The following FER1L6 variants were observed in gnomAD, a reference collection of about 807,000 sequenced individuals.
The protein encoded by FER1L6 is fer-1 like family member 6.
A neutral mutation model predicts 219.2 loss-of-function variants in FER1L6; 177 were observed. The ratio of observed to expected loss-of-function variants is 0.81; its 90% CI spans 0.71 to 0.91. FER1L6 has a LOEUF of 0.91. FER1L6 is among the 40% of genes least tolerant of loss of function. The pLI, the probability that FER1L6 is intolerant of heterozygous loss-of-function variation, is 0.00. For missense variants in FER1L6, 2,153 were observed against 2,259.9 expected, an observed-to-expected ratio of 0.95 and a Z score of 0.96; for synonymous variants, 768 against 824.3, an observed-to-expected ratio of 0.93 and a Z score of 1.17.
intron 1 of FER1L6, among the ~76,000 whole-genome samples, chr8:123,864,544 G>A (rs1816798647): frequency 6.7e-6 from 1 of 149,404 alleles, no homozygotes; most frequent in Non-Finnish European, 1.5e-5. Flanking sequence ...CTAGATTGGG[G>A]AAGTTCTCCT....
intron 37 of FER1L6, among the ~76,000 whole-genome samples, chr8:124,098,378 G>A (rs544948786): frequency 2.6e-5 from 4 of 152,150 alleles, no homozygotes; most frequent in Admixed American, 2.6e-4. Flanking sequence ...AGTCAGGGAG[G>A]GGGATGAGGT....
Position 124,015,607 on chromosome 8 carries a change from A to ATATGTATGTATG in FER1L6, c.1923-2018_1923-2017insGTATGTATGTAT, listed in dbSNP as rs1554632086. 8.5e-4 allele frequency among the ~76,000 whole-genome samples: 75 copies of ATATGTATGTATG among 88,594 alleles called. 2 individuals are homozygous for ATATGTATGTATG. Among genetic ancestry groups the ATATGTATGTATG allele is most frequent in the African/African-American group, 2.8e-3 (66 of 23,252 alleles). The allele number at this position is 88,594 out of a possible 152,430, so 58.1% of individuals were successfully genotyped here. A position where few individuals can be genotyped will look rare whatever the true frequency, so the allele number is the denominator to read the frequency against. ...TATATATATATATATATATATATAT[A>ATATGTATGTATG]TATATATATTACTCCTGCTGTGAGC... On this transcript the variant is annotated intron_variant, in intron 15 of 40. Transcript: ENST00000522917.
chr8:124,059,458 A>G (rs982767508), intron 22 of FER1L6, among the ~76,000 whole-genome samples: 17 of 152,106 alleles, frequency 1.1e-4, no homozygotes, highest in Admixed American at 1.0e-3. Context: ...CTTTGGGGAA[A>G]CCTTCTTGAA....
intron 12 of FER1L6, among the ~76,000 whole-genome samples, chr8:123,993,457 AAAAGG>A (rs1323033710): frequency 4.0e-5 from 6 of 151,732 alleles, no homozygotes; most frequent in African/African-American, 1.5e-4. Context: ...AAAAAAAAAA[AAAAGG>A]AAGAATGTAT....
intron 19 of FER1L6, among the ~76,000 whole-genome samples, chr8:124,036,599 C>A (rs565718122): frequency 1.3e-5 from 2 of 152,084 alleles, no homozygotes; most frequent in Admixed American, 6.6e-5. Flanking sequence ...TTCCACCATA[C>A]CTTGAGAGAG....
chr8:124,097,689 G>A (rs529913014), intron 36 of FER1L6, 96 bp from the exon 37 acceptor site: 4 of 732,050 alleles, frequency 5.5e-6, no homozygotes, highest in Admixed American at 4.4e-5. Context: ...CAAACTTTAG[G>A]AAACTTATAG....
At chr8:124,029,406 T>C (rs1227215664) in intron 18 of FER1L6, among the ~76,000 whole-genome samples, 1 of 152,094 alleles carries the variant, frequency 6.6e-6, no homozygotes, top group Non-Finnish European at 1.5e-5. Flanking sequence ...ACAGTGTTCC[T>C]ATTTCTCCAT....
Position 124,061,824 on chromosome 8 carries a change from CCTT to C in FER1L6, c.3148-23_3148-21del, listed in dbSNP as rs751199700. 276 of 1,611,124 alleles carry C rather than the reference CCTT, an allele frequency of 1.7e-4. 3 individuals carry two copies. Among genetic ancestry groups the C allele is most frequent in the Non-Finnish European group, 5.8e-5 (68 of 1,179,184 alleles). On this transcript the variant is annotated intron_variant, in intron 24 of 40. Transcript: ENST00000522917. ...CTGCCCATGGAAGGGTCACCAGGCC[CCTT>C]CTTCATCTCATCCTCTCTCTGCAGG...
chr8:123,933,262 T>C (rs1813846908), intron 1 of FER1L6, among the ~76,000 whole-genome samples: 1 of 152,190 alleles, frequency 6.6e-6, no homozygotes, highest in Non-Finnish European at 1.5e-5. Context: ...ACATGTCCTG[T>C]TGCCCAGACC....
At chr8:123,877,906 G>A (rs988035315) in intron 1 of FER1L6, among the ~76,000 whole-genome samples, 1 of 151,988 alleles carries the variant, frequency 6.6e-6, no homozygotes, top group Non-Finnish European at 1.5e-5. Flanking sequence ...TACTGAAGTC[G>A]ATTTATCGTT....
chr8:123,953,346 A>T (rs1814857334), intron 1 of FER1L6, among the ~76,000 whole-genome samples: 1 of 152,180 alleles, frequency 6.6e-6, no homozygotes, highest in African/African-American at 2.4e-5. Context: ...AGCAGGCCTG[A>T]GCTGCGCCTA....
At chr8:123,871,208 T>A (rs149200672) in intron 1 of FER1L6, among the ~76,000 whole-genome samples, 1 of 152,326 alleles carries the variant, frequency 6.6e-6, no homozygotes, top group African/African-American at 2.4e-5. Context: ...GAAATATTTG[T>A]GTATGTATTC....
At position 124,094,237 on chromosome 8, in the gene FER1L6, A is replaced by G. The variant is rs376111531; in HGVS notation, c.4553-659A>G. Among the ~76,000 whole-genome samples, 45 of 152,228 alleles carry G rather than the reference A, an allele frequency of 3.0e-4. No homozygotes were observed. The South Asian group carries it at 8.9e-3, about 30-fold the overall frequency. ...GTCCTCTCACAGTATGTTAGCAAAC[A>G]GTTTTGCACCTTCAAAAATGTACCC... On this transcript the variant is annotated intron_variant, in intron 34 of 40. Transcript: ENST00000522917.
chr8:124,025,764 G>A (rs1305896393), intron 18 of FER1L6, among the ~76,000 whole-genome samples: 1 of 152,132 alleles, frequency 6.6e-6, no homozygotes, highest in Non-Finnish European at 1.5e-5. Flanking sequence ...ATTGTTTGGG[G>A]CAGTATGCTT....
chr8:124,051,535 T>TAAAC (rs1336965741), intron 22 of FER1L6, among the ~76,000 whole-genome samples: 3 of 152,212 alleles, frequency 2.0e-5, no homozygotes, highest in African/African-American at 7.2e-5. Context: ...TGGCATGGAA[T>TAAAC]AAACACTCCA....
chr8:123,991,847 G>A (rs888255760), intron 12 of FER1L6, among the ~76,000 whole-genome samples: 1 of 151,778 alleles, frequency 6.6e-6, no homozygotes, highest in African/African-American at 2.4e-5. Context: ...TTCATGTAGG[G>A]CTTTTATTAT....
intron 1 of FER1L6, among the ~76,000 whole-genome samples, chr8:123,864,735 C>T (rs1816802940): frequency 6.7e-6 from 1 of 149,676 alleles, no homozygotes; most frequent in Non-Finnish European, 1.5e-5. Context: ...TTCATTTCAT[C>T]TTCCATTGCT....
chr8:123,957,791 G>A (rs1432349224), intron 2 of FER1L6, among the ~76,000 whole-genome samples: 1 of 152,148 alleles, frequency 6.6e-6, no homozygotes, highest in East Asian at 1.9e-4. Context: ...TCATTTTAAA[G>A]TCTGCAACCC....
chr8:123,962,403 TA>T lies in FER1L6; in HGVS notation c.77-874del, dbSNP rs762727350. Reference sequence around the variant, plus strand: ...ACCTGTGGCAGTTAGAACACAGTTTTATTTTTAAGTATAGGAGTGCATGACT... The same window carrying T: ...ACCTGTGGCAGTTAGAACACAGTTTTTTTTTAAGTATAGGAGTGCATGACT... On this transcript the variant is annotated intron_variant, in intron 2 of 40. Transcript: ENST00000522917. 1.3e-4 allele frequency among the ~76,000 whole-genome samples: 19 copies of T among 151,812 alleles called. No individual in the cohort carries two copies. In the East Asian group the frequency reaches 1.7e-3, roughly 14 times the overall value.
Sources: gnomAD v4.1 joint callset for allele counts (sites outside exome capture counted in the v4.1 genomes callset) on GRCh38, gnomAD v4.1.1 for gene constraint, MANE v1.5 for transcripts, NCBI Gene and HGNC (gene_info 2026-07-23, HGNC 2026-07-21) for gene names.